The following VMA22 variants were observed in gnomAD, a reference collection of about 807,000 sequenced individuals.
VMA22 encodes vacuolar ATPase assembly factor VMA22.
the VMA22 span, chr2:130,339,857 C>T: frequency 4.1e-6 from 5 of 1,233,866 alleles, no homozygotes; most frequent in Non-Finnish European, 4.2e-6. Flanking sequence ...CTGCTGATCT[C>T]ATCCTATCTC....
chr2:130,342,656 A>C, the VMA22 span: 1 of 503,826 alleles, frequency 2.0e-6, no homozygotes, highest in South Asian at 2.9e-5. Flanking sequence ...AGGATGGAGA[A>C]GCCTGGGCGG....
chr2:130,339,006 G>T, the VMA22 span: 1 of 714,914 alleles, frequency 1.4e-6, no homozygotes, highest in Non-Finnish European at 2.4e-6. Flanking sequence ...CACAGAAGGG[G>T]CATTAGCTGG....
chr2:130,340,654 C>G, the VMA22 span: 2 of 516,542 alleles, frequency 3.9e-6, no homozygotes, highest in Admixed American at 3.3e-5. Context: ...CCTTTGTCTG[C>G]TTCTAAACAT....
the VMA22 span, chr2:130,340,559 C>T: frequency 1.8e-5 from 6 of 324,756 alleles, no homozygotes; most frequent in African/African-American, 1.3e-4. Flanking sequence ...CTCCCCTGGC[C>T]CACTCCTGTC....
At chr2:130,339,097 T>C in the VMA22 span, 1 of 1,574,880 alleles carries the variant, frequency 6.3e-7, no homozygotes, top group Non-Finnish European at 8.7e-7. Context: ...CTGTGCTCGC[T>C]GCCCTGCCTC....
chr2:130,342,133 C>A, the VMA22 span: 2 of 1,613,486 alleles, frequency 1.2e-6, no homozygotes, highest in Admixed American at 3.3e-5. Context: ...CATGGACACA[C>A]CTCCAGATCT....
the VMA22 span, chr2:130,339,721 C>T: frequency 7.7e-7 from 1 of 1,304,330 alleles, no homozygotes; most frequent in South Asian, 1.2e-5. Flanking sequence ...CATTGGATCA[C>T]TCGCTCCAGG....
chr2:130,342,640 A>C, the VMA22 span: 1 of 473,140 alleles, frequency 2.1e-6, no homozygotes. Context: ...TGGTGGGGGG[A>C]GGACGAGGAT....
the VMA22 span, chr2:130,342,019 T>C: frequency 4.3e-6 from 7 of 1,613,754 alleles, no homozygotes; most frequent in East Asian, 1.6e-4. Flanking sequence ...GCCTACCTCC[T>C]CCACCCGGGC....
At chr2:130,338,109 A>C in the VMA22 span, 3 of 152,250 alleles carry the variant, frequency 2.0e-5, no homozygotes, top group African/African-American at 4.8e-5. Flanking sequence ...ATTTCAACTG[A>C]AACCACAGAG....
the VMA22 span, chr2:130,341,743 G>A: frequency 6.2e-7 from 1 of 1,611,420 alleles, no homozygotes; most frequent in South Asian, 1.1e-5. Context: ...GTCCCTCCTG[G>A]GCCTCGCTGA....
the VMA22 span, chr2:130,338,144 CCT>C: frequency 1.2e-4 from 19 of 152,138 alleles, no homozygotes; most frequent in African/African-American, 4.3e-4. Flanking sequence ...TGGAGAATTC[CCT>C]GATTGCCTTA....
chr2:130,341,826 T>C, the VMA22 span: 1 of 441,230 alleles, frequency 2.3e-6, no homozygotes, highest in Non-Finnish European at 4.3e-6. Context: ...CAGCCCAGCA[T>C]GGAAGCTTCC....
the VMA22 span, chr2:130,338,152 C>A: frequency 6.6e-6 from 1 of 152,222 alleles, no homozygotes; most frequent in East Asian, 1.9e-4. Context: ...TCCCTGATTG[C>A]CTTATCAGTT....
chr2:130,339,918 CT>C, the VMA22 span: 2 of 981,604 alleles, frequency 2.0e-6, no homozygotes, highest in Non-Finnish European at 2.7e-6. Context: ...AACACCAGTG[CT>C]ATGCAGTGGA....
the VMA22 span, chr2:130,341,021 C>T: frequency 6.2e-7 from 1 of 1,610,804 alleles, no homozygotes; most frequent in Non-Finnish European, 8.5e-7. Flanking sequence ...CTTAGTGGGG[C>T]CCTTGCGCCT....
At chr2:130,341,484 A>G in the VMA22 span, 1 of 594,584 alleles carries the variant, frequency 1.7e-6, no homozygotes, top group African/African-American at 1.9e-5. Context: ...GTGTAAAGCA[A>G]CTCACCAACA....
At chr2:130,341,652 G>A in the VMA22 span, 2 of 1,605,492 alleles carry the variant, frequency 1.2e-6, no homozygotes, top group Non-Finnish European at 1.7e-6. Context: ...TCTGCAGAAG[G>A]AAGAGGGGGC....
the VMA22 span, chr2:130,339,511 C>T: frequency 7.6e-7 from 1 of 1,308,158 alleles, no homozygotes. Context: ...CCATTTCATG[C>T]CCTCATTTCC....
Sources: gnomAD v4.1 joint callset for allele counts on GRCh38, gnomAD v4.1.1 for gene constraint, MANE v1.5 for transcripts, NCBI Gene and HGNC (gene_info 2026-07-23, HGNC 2026-07-21) for gene names.